ZNF528: variants seen among roughly 807,000 people sequenced by gnomAD.
ZNF528 encodes zinc finger protein 528.
A neutral mutation model predicts 13.3 loss-of-function variants in ZNF528; 9 were observed. That is an observed-to-expected ratio of 0.67 (90% CI 0.41 to 1.18). ZNF528 has a LOEUF of 1.18. ZNF528 is among the 50% of genes most tolerant of loss of function. The probability of loss-of-function intolerance (pLI) is 0.01; values close to 1 mark genes in which losing one functional copy is unlikely to be tolerated. For synonymous variants in ZNF528, 264 were observed against 254.3 expected, an observed-to-expected ratio of 1.04 and a Z score of -0.36; for missense variants, 858 against 745.4, an observed-to-expected ratio of 1.15 and a Z score of -1.76.
chr19:52,407,647 G>T (rs1200782099), intron 6 of ZNF528, among the ~76,000 whole-genome samples: 2 of 151,892 alleles, frequency 1.3e-5, no homozygotes, highest in Non-Finnish European at 2.9e-5. Flanking sequence ...GTAGTGGCAG[G>T]TGCCTATAAT....
At chr19:52,412,257 A>G (rs527637183) in intron 6 of ZNF528, 7 of 152,342 alleles carry the variant, frequency 4.6e-5, no homozygotes, top group South Asian at 2.1e-4. Context: ...CAAAAACCCA[A>G]AGATCTTGTG....
At chr19:52,402,702 A>G (rs2058809558) in intron 4 of ZNF528, among the ~76,000 whole-genome samples, 2 of 152,120 alleles carry the variant, frequency 1.3e-5, no homozygotes, top group Admixed American at 6.5e-5. Context: ...ACCCCCAGCC[A>G]TATCCAATGA....
At chr19:52,398,859 C>G (rs1034173839) in intron 2 of ZNF528, among the ~76,000 whole-genome samples, 29 of 152,036 alleles carry the variant, frequency 1.9e-4, no homozygotes, top group African/African-American at 7.0e-4. Flanking sequence ...ACAGGGAGAA[C>G]CACAGCAGGG....
rs558757729 is a variant in ZNF528, at chr19:52,414,457, G to A, written c.272-667G>A. On this transcript the variant is annotated intron_variant, in intron 6 of 6. Coordinates refer to ENST00000360465, the MANE Select transcript of ZNF528 (RefSeq NM_032423.3). Reference sequence around the variant, plus strand: ...GCCCTTTGTATTTTATTGGGTAAAGGAGATGGTGGCAGGGGGAGGGGGTGG... The same window carrying A: ...GCCCTTTGTATTTTATTGGGTAAAGAAGATGGTGGCAGGGGGAGGGGGTGG... The A allele has an allele frequency of 9.3e-5, 56 of 604,112 alleles. 1 individual carries two copies. The South Asian group carries it at 1.0e-3, about 11-fold the overall frequency. The allele number at this position is 604,112 out of a possible 1,614,324, so 37.4% of individuals were successfully genotyped here.
At chr19:52,413,575 G>A (rs2058958959) in intron 6 of ZNF528, 1 of 152,294 alleles carries the variant, frequency 6.6e-6, no homozygotes, top group Admixed American at 6.5e-5. Flanking sequence ...GGTCCTAAGG[G>A]CTCTCCAGCT....
rs1202744445 is a variant in ZNF528, at chr19:52,416,074, C to G, written c.1222C>G (p.Pro408Ala). 3 of 1,613,838 alleles carry G rather than the reference C, an allele frequency of 1.9e-6. No homozygotes were observed. Among genetic ancestry groups the G allele is most frequent in the Admixed American group, 1.7e-5 (1 of 59,986 alleles). Reference sequence around the variant, plus strand: ...TCAGAGAATTCATACTAGAGAGAGACCTTATGGATGCAGTCAGTGTGGCAA... The same window carrying G: ...TCAGAGAATTCATACTAGAGAGAGAGCTTATGGATGCAGTCAGTGTGGCAA... ...SHQRIHTRERPYGCSQCGKIF... is the reference protein window; with the variant it reads ...SHQRIHTRERAYGCSQCGKIF... Residue 408 changes from proline to alanine, a missense_variant, in exon 7 of 7, where the codon CCT becomes GCT. Transcript: ENST00000360465.
intron 6 of ZNF528, chr19:52,414,283 A>C (rs1419474585): frequency 2.8e-6 from 2 of 702,498 alleles, no homozygotes; most frequent in Non-Finnish European, 5.2e-6. Context: ...ACATCCTCGG[A>C]GTCCCTCTTC....
intron 6 of ZNF528, among the ~76,000 whole-genome samples, chr19:52,410,078 C>G (rs1160200025): frequency 1.3e-5 from 2 of 152,148 alleles, no homozygotes; most frequent in East Asian, 3.8e-4. Flanking sequence ...GCTGGGATTA[C>G]AGGCATGAGC....
Position 52,402,037 on chromosome 19 carries a change from A to G in ZNF528, c.15+9A>G. 1.2e-6 allele frequency: 2 copies of G among 1,614,164 alleles called. No individual in the cohort carries two copies. Among genetic ancestry groups the G allele is most frequent in the Non-Finnish European group, 1.7e-6 (2 of 1,180,020 alleles). On this transcript the variant is annotated intron_variant, in intron 4 of 6. Transcript: ENST00000360465. ...GAATGGCCCTTACTCAGGTAAGGTA[A>G]TGTTCTCAGTGGATTGTTCTGTCTC...
intron 4 of ZNF528, chr19:52,402,365 A>G: frequency 2.7e-6 from 1 of 375,638 alleles, no homozygotes; most frequent in Non-Finnish European, 4.8e-6. Flanking sequence ...TCTGTGGACT[A>G]GAATTAGAGA....
Position 52,415,309 on chromosome 19 carries a change from T to C in ZNF528, c.457T>C (p.Ser153Pro). ...AGTTTCACCGCTTGAAAAAATTTCT[T>C]CCAGTGTCAAATCCCACCTTTTAAA... ...SSVSPLEKIS[S>P]SVKSHLLNKY... The change falls in exon 7 of 7, where the codon TCC (serine) becomes CCC (proline). Residue 153 changes from serine to proline, a missense_variant. Ser to Pro is a moderately conservative substitution (Grantham distance 74). Coordinates refer to ENST00000360465, the MANE Select transcript of ZNF528 (RefSeq NM_032423.3). 1 of 1,612,920 alleles carries C rather than the reference T, an allele frequency of 6.2e-7. No individual in the cohort carries two copies. The highest frequency in any genetic ancestry group is 1.7e-4 in the Middle Eastern group (1 of 6,056).
chr19:52,413,276 C>G (rs2058954684), intron 6 of ZNF528: 1 of 152,198 alleles, frequency 6.6e-6, no homozygotes, highest in South Asian at 2.1e-4. Context: ...GTCTCCTTGA[C>G]AAGCAGCACG....
chr19:52,412,074 C>T (rs1188504974), intron 6 of ZNF528: 1 of 152,216 alleles, frequency 6.6e-6, no homozygotes, highest in African/African-American at 2.4e-5. Context: ...CATAAAATTT[C>T]TTTCCTTTAA....
chr19:52,416,086 A>C lies in ZNF528; in HGVS notation c.1234A>C (p.Ser412Arg). Residue 412 changes from serine (S) to arginine (R), a missense_variant, in exon 7 of 7, where the codon AGT (serine) becomes CGT (arginine). Coordinates refer to ENST00000360465, the MANE Select transcript of ZNF528 (RefSeq NM_032423.3). ...TACTAGAGAGAGACCTTATGGATGC[A>C]GTCAGTGTGGCAAGATCTTTAGTCA... ...IHTRERPYGCSQCGKIFSQKS... is the reference protein window; with the variant it reads ...IHTRERPYGCRQCGKIFSQKS... 6.2e-7 allele frequency: 1 copy of C among 1,614,008 alleles called. No homozygotes were observed. Among genetic ancestry groups the C allele is most frequent in the Middle Eastern group, 1.6e-4 (1 of 6,062 alleles).
At position 52,406,289 on chromosome 19, in the gene ZNF528, C is replaced by T. The variant is rs572117514; in HGVS notation, c.143-226C>T. On this transcript the variant is annotated intron_variant, in intron 5 of 6. Transcript: ENST00000360465. ...CCTTATGACAAACTTTAAAAATATC[C>T]AGTTCCCTGTTTTCTACCCCTGTGC... 2.6e-5 allele frequency among the ~76,000 whole-genome samples: 4 copies of T among 152,282 alleles called. No individual in the cohort carries two copies. In the South Asian group the frequency reaches 8.3e-4, roughly 32 times the overall value.
chr19:52,412,174 C>A (rs548245353), intron 6 of ZNF528: 2 of 152,354 alleles, frequency 1.3e-5, no homozygotes, highest in African/African-American at 4.8e-5. Context: ...TTTATTTCCT[C>A]ATTTCTCCTT....
intron 6 of ZNF528, chr19:52,411,491 A>G (rs1336929731): frequency 6.6e-6 from 1 of 152,192 alleles, no homozygotes; most frequent in Non-Finnish European, 1.5e-5. Context: ...TTTTTGGAAT[A>G]ACAAATACCA....
At chr19:52,406,388 G>T in intron 5 of ZNF528, 127 bp from the exon 6 acceptor site, 1 of 1,367,010 alleles carries the variant, frequency 7.3e-7, no homozygotes, top group Non-Finnish European at 9.8e-7. Context: ...TCAGAAAGAG[G>T]CAGTCAGTAG....
intron 2 of ZNF528, among the ~76,000 whole-genome samples, chr19:52,399,840 A>G (rs997530225): frequency 6.6e-6 from 1 of 152,180 alleles, no homozygotes; most frequent in Non-Finnish European, 1.5e-5. Flanking sequence ...GTTCTTCGTC[A>G]GACAGCACCT....
Sources: allele counts gnomAD v4.1 joint callset (sites outside exome capture counted in the v4.1 genomes callset), GRCh38; gene constraint gnomAD v4.1.1; transcripts MANE v1.5; gene names NCBI Gene and HGNC (gene_info 2026-07-23, HGNC 2026-07-21).